Variants in PCMTD1 observed in about 807,000 individuals in gnomAD.
PCMTD1 encodes the protein protein-L-isoaspartate O-methyltransferase domain-containing protein 1.
Under a neutral mutation model 37.6 loss-of-function variants are expected in PCMTD1, and 12 were observed. The observed-to-expected ratio is 0.32, with a 90% confidence interval of 0.20 to 0.52. The LOEUF is 0.52. Ranked by LOEUF, PCMTD1 falls within the 20% of genes least tolerant of loss-of-function variation. PCMTD1 has a pLI of 0.97. For missense variants in PCMTD1, 235 were observed against 421.3 expected, an observed-to-expected ratio of 0.56 and a Z score of 3.87; for synonymous variants, 117 against 135.8, an observed-to-expected ratio of 0.86 and a Z score of 0.96.
At chr8:51,841,949 C>T (rs1221493682) in intron 3 of PCMTD1, among the ~76,000 whole-genome samples, 1 of 152,142 alleles carries the variant, frequency 6.6e-6, no homozygotes, top group African/African-American at 2.4e-5. Context: ...GCATTTGCAT[C>T]CAGTTTTATA....
intron 5 of PCMTD1, among the ~76,000 whole-genome samples, chr8:51,821,704 C>G (rs2037850595): frequency 6.6e-6 from 1 of 151,288 alleles, no homozygotes; most frequent in Non-Finnish European, 1.5e-5. Flanking sequence ...AAAATCAAAA[C>G]GCCAATGATA....
At chr8:51,883,729 C>A (rs947346565) in intron 1 of PCMTD1, among the ~76,000 whole-genome samples, 1 of 152,076 alleles carries the variant, frequency 6.6e-6, no homozygotes, top group Admixed American at 6.5e-5. Context: ...TTTTTGGCAT[C>A]TGAATTCTCT....
Position 51,837,062 on chromosome 8 carries a change from CA to C in PCMTD1, c.411-3374del, listed in dbSNP as rs1446016920. Among the ~76,000 whole-genome samples the C allele has an allele frequency of 2.0e-5, 3 of 152,124 alleles. No homozygotes were observed. The East Asian group carries it at 5.8e-4, about 29-fold the overall frequency. The stretch of plus-strand genomic sequence containing the variant: ...ACTAAATGACAGGTTTTTCTTGGGC[CA>C]GGGGGGCCTTTCTGAAGATCTCAAA... On this transcript the variant is annotated intron_variant, in intron 3 of 5. Coordinates refer to ENST00000522514, the MANE Select transcript of PCMTD1 (RefSeq NM_052937.4).
intron 1 of PCMTD1, among the ~76,000 whole-genome samples, chr8:51,892,621 C>T (rs955894584): frequency 6.6e-6 from 1 of 152,158 alleles, no homozygotes; most frequent in Non-Finnish European, 1.5e-5. Context: ...ACTAAATGCT[C>T]ATTAGTAGGG....
intron 2 of PCMTD1, among the ~76,000 whole-genome samples, chr8:51,846,738 C>A (rs2038225968): frequency 1.3e-5 from 2 of 151,982 alleles, no homozygotes; most frequent in Admixed American, 1.3e-4. Flanking sequence ...TACTTTTAAC[C>A]AAAAAATCAC....
At chr8:51,893,565 C>T (rs2038963344) in intron 1 of PCMTD1, among the ~76,000 whole-genome samples, 1 of 152,110 alleles carries the variant, frequency 6.6e-6, no homozygotes, top group African/African-American at 2.4e-5. Flanking sequence ...GAGAATATTG[C>T]AGCTCATTAG....
At chr8:51,867,883 C>A (rs1019021340) in intron 1 of PCMTD1, among the ~76,000 whole-genome samples, 1 of 151,994 alleles carries the variant, frequency 6.6e-6, no homozygotes, top group Non-Finnish European at 1.5e-5. Flanking sequence ...AGGAGAAATA[C>A]GCTTTAGTAA....
At position 51,843,779 on chromosome 8, in the gene PCMTD1, A is replaced by G. The variant is rs144734213; in HGVS notation, c.410+1882T>C. On this transcript the variant is annotated intron_variant, in intron 3 of 5. Coordinates refer to ENST00000522514, the MANE Select transcript of PCMTD1 (RefSeq NM_052937.4). ...AGCAATAAGCTTGAGCTCCACAGAC[A>G]CTTGCACAGAGTTGCTTCACTGATT... Among the ~76,000 whole-genome samples, 356 of 152,192 alleles carry G rather than the reference A, an allele frequency of 2.3e-3. 1 individual carries two copies. Among genetic ancestry groups the G allele is most frequent in the African/African-American group, 8.3e-3 (343 of 41,526 alleles).
intron 5 of PCMTD1, among the ~76,000 whole-genome samples, chr8:51,830,737 TG>T (rs1380272520): frequency 6.6e-6 from 1 of 152,184 alleles, no homozygotes; most frequent in Non-Finnish European, 1.5e-5. Flanking sequence ...ATTGTCTCTC[TG>T]TATGAAAAAA....
intron 3 of PCMTD1, among the ~76,000 whole-genome samples, chr8:51,840,867 T>C (rs925393611): frequency 6.6e-6 from 1 of 152,144 alleles, no homozygotes; most frequent in Non-Finnish European, 1.5e-5. Context: ...GCAAGTCTCA[T>C]TAATGAACAA....
chr8:51,831,299 A>C, intron 5 of PCMTD1, 145 bp downstream of exon 5: 2 of 599,568 alleles, frequency 3.3e-6, no homozygotes, highest in African/African-American at 1.9e-5. Context: ...CTGTCTCCAA[A>C]AAAAAAAAAA....
intron 5 of PCMTD1, among the ~76,000 whole-genome samples, chr8:51,827,837 T>C (rs1473438797): frequency 6.6e-6 from 1 of 152,216 alleles, no homozygotes; most frequent in Non-Finnish European, 1.5e-5. Flanking sequence ...CTCTCCATTT[T>C]ACCCTATTCT....
chr8:51,827,389 A>C (rs1182689505), intron 5 of PCMTD1: 1 of 675,274 alleles, frequency 1.5e-6, no homozygotes, highest in Non-Finnish European at 2.3e-6. Context: ...AAAAATTGAG[A>C]AATAAGCAAT....
intron 5 of PCMTD1, among the ~76,000 whole-genome samples, chr8:51,825,420 C>T (rs1179757143): frequency 1.4e-4 from 4 of 28,508 alleles, no homozygotes; most frequent in African/African-American, 1.6e-4. Context: ...TATGGCCGGG[C>T]GCGGTGGCTC....
intron 2 of PCMTD1, among the ~76,000 whole-genome samples, chr8:51,858,296 G>A (rs2038420530): frequency 9.9e-6 from 1 of 101,004 alleles, no homozygotes; most frequent in African/African-American, 3.8e-5. Flanking sequence ...TAAATATGTA[G>A]TACCCATAGG....
intron 1 of PCMTD1, among the ~76,000 whole-genome samples, chr8:51,866,864 G>A (rs2038562701): frequency 6.6e-6 from 1 of 151,660 alleles, no homozygotes; most frequent in East Asian, 1.9e-4. Context: ...AACATATATT[G>A]AAAAAACAAA....
intron 4 of PCMTD1, among the ~76,000 whole-genome samples, chr8:51,832,950 A>C (rs537941005): frequency 3.3e-5 from 5 of 152,148 alleles, no homozygotes; most frequent in Non-Finnish European, 7.4e-5. Flanking sequence ...GGCTCAAGTG[A>C]TCCTCCCACC....
At chr8:51,833,228 G>C (rs2038020822) in intron 4 of PCMTD1, among the ~76,000 whole-genome samples, 1 of 152,150 alleles carries the variant, frequency 6.6e-6, no homozygotes, top group East Asian at 1.9e-4. Flanking sequence ...CAACTTCTGG[G>C]TAAGCAAAAC....
chr8:51,888,751 A>C (rs188786621), intron 1 of PCMTD1, among the ~76,000 whole-genome samples: 81 of 152,342 alleles, frequency 5.3e-4, no homozygotes, highest in African/African-American at 1.5e-3. Context: ...TTAAGTTGCA[A>C]AGATTAAAAA....
Sources: allele counts gnomAD v4.1 joint callset (sites outside exome capture counted in the v4.1 genomes callset), GRCh38; gene constraint gnomAD v4.1.1; transcripts MANE v1.5; gene names NCBI Gene and HGNC (gene_info 2026-07-23, HGNC 2026-07-21).